KDM4C: variants seen among roughly 807,000 people sequenced by gnomAD.
KDM4C encodes the protein lysine-specific demethylase 4C.
In KDM4C, 81 loss-of-function variants were observed where a neutral mutation model predicts 129.3. The ratio of observed to expected loss-of-function variants is 0.63; its 90% CI spans 0.52 to 0.75. KDM4C has a LOEUF of 0.75. Among genes scored for constraint, KDM4C ranks in the 30% least tolerant of loss-of-function variants. KDM4C has a pLI of 0.00. For synonymous variants in KDM4C, 573 were observed against 456.1 expected (o/e 1.26, Z -3.26); for missense variants, 1,457 against 1,304.0 (o/e 1.12, Z -1.81).
intron 4 of KDM4C, 103 bp from the exon 5 acceptor site, chr9:6,849,404 T>C: frequency 1.1e-5 from 10 of 915,404 alleles, no homozygotes; most frequent in Non-Finnish European, 1.6e-5. Context: ...AGTTAGAATA[T>C]ACAATGTAAT....
chr9:7,029,688 A>T (rs940821628), intron 15 of KDM4C, among the ~76,000 whole-genome samples: 4 of 152,184 alleles, frequency 2.6e-5, no homozygotes, highest in Admixed American at 2.6e-4. Flanking sequence ...CTCTCCAGGA[A>T]ATTTGGATGT....
chr9:6,857,928 T>TTTTTG (rs1352329734), intron 5 of KDM4C, among the ~76,000 whole-genome samples: 2 of 147,320 alleles, frequency 1.4e-5, no homozygotes, highest in African/African-American at 2.5e-5. Flanking sequence ...CTAAGTTTTT[T>TTTTTG]TTTTTTTTTT....
chr9:6,732,547 C>T (rs1392450035), intron 1 of KDM4C, among the ~76,000 whole-genome samples: 1 of 151,768 alleles, frequency 6.6e-6, no homozygotes, highest in East Asian at 1.9e-4. Context: ...CGCACCCAGC[C>T]AGAAAGGAAA....
intron 18 of KDM4C, among the ~76,000 whole-genome samples, chr9:7,112,951 A>C (rs1042065971): frequency 3.3e-5 from 5 of 152,172 alleles, no homozygotes; most frequent in African/African-American, 1.2e-4. Context: ...CTGTTTAACA[A>C]AGTTTGTTTT....
At chr9:7,114,122 G>T (rs1838636738) in intron 18 of KDM4C, among the ~76,000 whole-genome samples, 2 of 152,182 alleles carry the variant, frequency 1.3e-5, no homozygotes, top group African/African-American at 4.8e-5. Flanking sequence ...AACATATTCA[G>T]AGGAGAGGGG....
chr9:7,174,631 G>A lies in KDM4C; in HGVS notation c.3073G>A (p.Val1025Met). The change falls in exon 22 of 22, where the codon GTG becomes ATG. Residue 1025 changes from valine (V) to methionine (M), a missense_variant. Physicochemically the swap from Val to Met is conservative, Grantham distance 21. Coordinates refer to ENST00000381309, the MANE Select transcript of KDM4C (RefSeq NM_015061.6). ...CCAAGGGGAGAGAAAGAGACAAAGAGTGCTGAGCTCCAGGTTTAAGAATGA... is the reference window on the plus strand; with the variant it reads ...CCAAGGGGAGAGAAAGAGACAAAGAATGCTGAGCTCCAGGTTTAAGAATGA... Reference protein sequence around the residue: ...IIQGERKRQRVLSSRFKNEYV... With the variant: ...IIQGERKRQRMLSSRFKNEYV... 1 of 1,614,172 alleles carries A rather than the reference G, an allele frequency of 6.2e-7. No individual in the cohort carries two copies.
chr9:7,016,778 C>G (rs1349841819), intron 15 of KDM4C, among the ~76,000 whole-genome samples: 1 of 152,076 alleles, frequency 6.6e-6, no homozygotes, highest in Admixed American at 6.6e-5. Flanking sequence ...CAGGGACTGT[C>G]AATTTATCGT....
intron 8 of KDM4C, chr9:6,973,882 A>G (rs1349383040): frequency 2.6e-5 from 4 of 152,250 alleles, no homozygotes; most frequent in African/African-American, 9.7e-5. Context: ...GCAGAAGTAG[A>G]AAAAGGTAAA....
chr9:6,817,637 A>T (rs1230370624), intron 4 of KDM4C, among the ~76,000 whole-genome samples: 2 of 152,204 alleles, frequency 1.3e-5, no homozygotes, highest in Admixed American at 1.3e-4. Context: ...TAGTATAAGT[A>T]ATCTCTATGT....
chr9:6,813,792 T>G (rs1469735594), intron 3 of KDM4C, among the ~76,000 whole-genome samples: 1 of 152,198 alleles, frequency 6.6e-6, no homozygotes, highest in East Asian at 1.9e-4. Context: ...TAATATACAA[T>G]TACAGGTTTT....
chr9:7,141,364 G>GAAC (rs570936633), intron 19 of KDM4C, among the ~76,000 whole-genome samples: 2,588 of 152,032 alleles, frequency 0.017, 84 homozygotes, highest in African/African-American at 0.058. Flanking sequence ...AAACAAAACA[G>GAAC]AACAACAACA....
chr9:6,820,892 C>T (rs1159036615), intron 4 of KDM4C, among the ~76,000 whole-genome samples: 2 of 150,928 alleles, frequency 1.3e-5, no homozygotes, highest in East Asian at 3.9e-4. Flanking sequence ...CCCGACAGGC[C>T]CCAGTGTGTG....
At chr9:7,081,619 A>T (rs1834528316) in intron 17 of KDM4C, among the ~76,000 whole-genome samples, 1 of 152,218 alleles carries the variant, frequency 6.6e-6, no homozygotes, top group Non-Finnish European at 1.5e-5. Flanking sequence ...AAATGCCAGA[A>T]TCACACCTGG....
chr9:6,941,258 C>T (rs55978538), intron 8 of KDM4C, among the ~76,000 whole-genome samples: 42,309 of 152,078 alleles, frequency 0.28, 6,378 homozygotes, highest in South Asian at 0.43. Flanking sequence ...ATCTGCCGGC[C>T]TCAGCCTCCC....
chr9:6,732,665 A>T (rs1817389929), intron 1 of KDM4C, among the ~76,000 whole-genome samples: 1 of 152,164 alleles, frequency 6.6e-6, no homozygotes, highest in East Asian at 1.9e-4. Context: ...CACTTCCTAA[A>T]CCGGGATTGA....
At chr9:6,995,728 G>GT (rs1819569974) in intron 12 of KDM4C, among the ~76,000 whole-genome samples, 1 of 152,008 alleles carries the variant, frequency 6.6e-6, no homozygotes, top group South Asian at 2.1e-4. Flanking sequence ...CTGGAGTGCA[G>GT]TGGCGCAGTC....
intron 8 of KDM4C, among the ~76,000 whole-genome samples, chr9:6,926,718 A>C (rs960477283): frequency 1.3e-5 from 2 of 152,186 alleles, no homozygotes; most frequent in Non-Finnish European, 2.9e-5. Context: ...GGACATTCAG[A>C]AATCCAGCAA....
At chr9:6,779,601 G>C (rs953401269) in intron 1 of KDM4C, among the ~76,000 whole-genome samples, 4 of 152,302 alleles carry the variant, frequency 2.6e-5, no homozygotes, top group African/African-American at 9.6e-5. Context: ...TCCCTTGACA[G>C]CTCCTGCTGC....
At chr9:7,119,252 C>T (rs1839245712) in intron 18 of KDM4C, among the ~76,000 whole-genome samples, 1 of 152,078 alleles carries the variant, frequency 6.6e-6, no homozygotes, top group Non-Finnish European at 1.5e-5. Flanking sequence ...TTGCCATTTT[C>T]CCAAGTCTAC....
Sources: allele counts gnomAD v4.1 joint callset (sites outside exome capture counted in the v4.1 genomes callset), GRCh38; gene constraint gnomAD v4.1.1; transcripts MANE v1.5; gene names NCBI Gene and HGNC (gene_info 2026-07-23, HGNC 2026-07-21).